ARMH3: variants seen among roughly 807,000 people sequenced by gnomAD.
ARMH3 encodes the protein armadillo like helical domain containing 3.
Under a neutral mutation model 99.1 loss-of-function variants are expected in ARMH3, and 60 were observed. That is an observed-to-expected ratio of 0.61 (90% confidence interval 0.49 to 0.75). The LOEUF is 0.75. ARMH3 is among the 30% of genes least tolerant of loss of function. The pLI, the probability that ARMH3 is intolerant of heterozygous loss-of-function variation, is 0.00. For missense variants in ARMH3, 679 were observed against 843.1 expected (o/e 0.81, Z 2.41); for synonymous variants, 285 against 292.8 (o/e 0.97, Z 0.27).
At chr10:101,966,239 G>C (rs543088891) in intron 20 of ARMH3, among the ~76,000 whole-genome samples, 1 of 147,966 alleles carries the variant, frequency 6.8e-6, no homozygotes, top group African/African-American at 2.5e-5. Flanking sequence ...CTGAGTAGCT[G>C]GGATTACAGG....
chr10:101,935,242 G>A (rs1843913463), intron 23 of ARMH3, among the ~76,000 whole-genome samples: 1 of 147,510 alleles, frequency 6.8e-6, no homozygotes, highest in Non-Finnish European at 1.5e-5. Flanking sequence ...CTCCTATAGA[G>A]AAGAAAACAT....
chr10:101,900,819 CA>C (rs925069944), intron 23 of ARMH3, among the ~76,000 whole-genome samples: 71 of 152,130 alleles, frequency 4.7e-4, no homozygotes, highest in African/African-American at 1.6e-3. Context: ...CCCATATCTA[CA>C]AAAAATTTTT....
chr10:101,876,661 T>C (rs2067274181), intron 24 of ARMH3, among the ~76,000 whole-genome samples: 1 of 152,208 alleles, frequency 6.6e-6, no homozygotes, highest in Admixed American at 6.5e-5. Context: ...ATGACACATG[T>C]GGCCTCTGAT....
chr10:102,020,242 A>G lies in ARMH3; in HGVS notation c.669+3235T>C, dbSNP rs555276150. On this transcript the variant is annotated intron_variant, in intron 8 of 25. Coordinates refer to ENST00000370033, the MANE Select transcript of ARMH3 (RefSeq NM_024541.3). ...TAGCCTAAGTATACAATGTTTATCAAGTCGATAGTTGGCCAGGCACGGTAG... is the reference window on the plus strand; with the variant it reads ...TAGCCTAAGTATACAATGTTTATCAGGTCGATAGTTGGCCAGGCACGGTAG... 3.3e-5 allele frequency among the ~76,000 whole-genome samples: 5 copies of G among 152,078 alleles called. No homozygotes were observed. In the South Asian group the frequency reaches 1.0e-3, roughly 32 times the overall value.
chr10:102,034,658 A>G (rs1315450915), intron 2 of ARMH3, among the ~76,000 whole-genome samples: 3 of 151,516 alleles, frequency 2.0e-5, no homozygotes, highest in African/African-American at 7.3e-5. Flanking sequence ...GAAAAAAAAG[A>G]GAAGCCCTAC....
intron 20 of ARMH3, among the ~76,000 whole-genome samples, chr10:101,958,217 TG>T (rs1845128294): frequency 6.6e-6 from 1 of 152,204 alleles, no homozygotes; most frequent in South Asian, 2.1e-4. Flanking sequence ...GCAGCTATAC[TG>T]TATGTACTCC....
chr10:101,956,955 T>C (rs1451862009), intron 21 of ARMH3, among the ~76,000 whole-genome samples: 1 of 152,154 alleles, frequency 6.6e-6, no homozygotes, highest in Non-Finnish European at 1.5e-5. Context: ...ACTTATCACT[T>C]CCTAATTATT....
intron 20 of ARMH3, among the ~76,000 whole-genome samples, chr10:101,970,374 T>C (rs1413071985): frequency 6.6e-6 from 1 of 152,192 alleles, no homozygotes; most frequent in Non-Finnish European, 1.5e-5. Context: ...ACAGAAACAT[T>C]AACAACATCC....
intron 24 of ARMH3, among the ~76,000 whole-genome samples, chr10:101,888,055 TCTC>T (rs1001757370): frequency 4.0e-5 from 6 of 148,544 alleles, no homozygotes; most frequent in Non-Finnish European, 5.9e-5. Context: ...AGAGTAAATG[TCTC>T]CTTTTTTTTT....
rs1194098724 is a variant in ARMH3 at position 101,957,719 on chromosome 10, C to T, written c.1509G>A (p.Leu503=). Reference sequence around the variant, plus strand: ...TCTCATTTGACATAAGGAACTTCAGCAAATTTATCAAGGCTTTAAAAAAAA... The same window carrying T: ...TCTCATTTGACATAAGGAACTTCAGTAAATTTATCAAGGCTTTAAAAAAAA... ...WRELWSALIN[L]LKFLMSNETV... Residue 503 remains leucine, a synonymous_variant, in exon 21 of 26, where the codon TTG becomes TTA. Coordinates refer to ENST00000370033, the MANE Select transcript of ARMH3 (RefSeq NM_024541.3). The T allele has an allele frequency of 3.9e-6, 6 of 1,534,012 alleles. No individual in the cohort carries two copies. In the South Asian group the frequency reaches 4.9e-5, roughly 13 times the overall value.
intron 20 of ARMH3, among the ~76,000 whole-genome samples, chr10:101,962,745 G>C (rs145208952): frequency 1.2e-3 from 176 of 152,264 alleles, no homozygotes; most frequent in Non-Finnish European, 2.1e-3. Flanking sequence ...ATGCTGGGGA[G>C]AAGAAGGTCT....
intron 20 of ARMH3, among the ~76,000 whole-genome samples, chr10:101,972,743 C>G (rs1458375303): frequency 1.9e-4 from 29 of 152,134 alleles, no homozygotes; most frequent in Non-Finnish European, 2.2e-4. Flanking sequence ...GAGGGCTCAC[C>G]CAGCCTATAC....
At chr10:101,888,250 C>CA (rs1180804715) in intron 24 of ARMH3, among the ~76,000 whole-genome samples, 8 of 151,948 alleles carry the variant, frequency 5.3e-5, no homozygotes, top group African/African-American at 1.9e-4. Flanking sequence ...TCACAGACAG[C>CA]ACAGCATCAA....
rs1266649957 is a variant in ARMH3 at position 101,975,249 on chromosome 10, C to A, written c.1458G>T (p.Arg486=). Residue 486 remains arginine (R), a synonymous_variant, in exon 20 of 26, where the codon CGG becomes CGT. Coordinates refer to ENST00000370033, the MANE Select transcript of ARMH3 (RefSeq NM_024541.3). ...CCCGCCAGGTGTAATGCAGGCGTAC[C>A]CGACACTTCTTCTGGTAGCAGAGCA... The part of the protein sequence containing the change: ...HKLLCYQKKC[R]VRLHYTWREL... 1 of 1,612,520 alleles carries A rather than the reference C, an allele frequency of 6.2e-7. No individual in the cohort carries two copies. Among genetic ancestry groups the A allele is most frequent in the South Asian group, 1.1e-5 (1 of 91,036 alleles).
At chr10:101,857,595 AAT>A (rs985813987) in intron 24 of ARMH3, among the ~76,000 whole-genome samples, 3 of 152,210 alleles carry the variant, frequency 2.0e-5, no homozygotes, top group African/African-American at 7.2e-5. Flanking sequence ...CTGGAGAAAT[AAT>A]ATCACAACTC....
At chr10:101,901,248 G>A (rs956951855) in intron 23 of ARMH3, among the ~76,000 whole-genome samples, 1 of 148,764 alleles carries the variant, frequency 6.7e-6, no homozygotes, top group Non-Finnish European at 1.5e-5. Context: ...TTCACATACA[G>A]GAGAGATGAG....
chr10:101,969,719 T>A (rs1441862240), intron 20 of ARMH3, among the ~76,000 whole-genome samples: 1 of 152,158 alleles, frequency 6.6e-6, no homozygotes, highest in African/African-American at 2.4e-5. Flanking sequence ...GCTGAACAGA[T>A]TGTTCTGGGG....
chr10:101,897,659 G>C (rs1423038035), intron 23 of ARMH3, among the ~76,000 whole-genome samples: 1 of 152,072 alleles, frequency 6.6e-6, no homozygotes, highest in Non-Finnish European at 1.5e-5. Flanking sequence ...CTGATACGGG[G>C]CCTCTAAAGC....
chr10:101,993,959 T>C (rs1295787734), intron 16 of ARMH3, among the ~76,000 whole-genome samples: 1 of 152,220 alleles, frequency 6.6e-6, no homozygotes, highest in Non-Finnish European at 1.5e-5. Context: ...TTTAAGGTTT[T>C]CACAGAGGCT....
Sources: gnomAD v4.1 joint callset for allele counts (sites outside exome capture counted in the v4.1 genomes callset) on GRCh38, gnomAD v4.1.1 for gene constraint, MANE v1.5 for transcripts, NCBI Gene and HGNC (gene_info 2026-07-23, HGNC 2026-07-21) for gene names.